Variants in NEURL1 observed in about 807,000 individuals in gnomAD.
NEURL1 encodes the protein neuralized E3 ubiquitin protein ligase 1, also known as E3 ubiquitin-protein ligase NEURL1.
A neutral mutation model predicts 41.2 loss-of-function variants in NEURL1; 26 were observed. The ratio of observed to expected loss-of-function variants is 0.63; its 90% CI spans 0.46 to 0.87. NEURL1 has a LOEUF of 0.87. Among genes scored for constraint, NEURL1 ranks in the 40% least tolerant of loss-of-function variants. The pLI is 0.00. For missense variants in NEURL1, 761 were observed against 871.1 expected (o/e 0.87, Z 1.59); for synonymous variants, 400 against 402.3 (o/e 0.99, Z 0.07).
intron 1 of NEURL1, among the ~76,000 whole-genome samples, chr10:103,564,587 C>T (rs56967738): frequency 0.049 from 7,537 of 152,346 alleles, 284 homozygotes; most frequent in African/African-American, 0.11. Context: ...GTAAAGGTCC[C>T]CAGACATGGC....
At chr10:103,574,805 G>A (rs929314671) in intron 3 of NEURL1, among the ~76,000 whole-genome samples, 10 of 152,182 alleles carry the variant, frequency 6.6e-5, no homozygotes, top group Admixed American at 6.5e-4. Flanking sequence ...GGGTTTGCAC[G>A]CAGTGTTTTC....
chr10:103,550,349 A>G (rs374420779), intron 1 of NEURL1, among the ~76,000 whole-genome samples: 1 of 152,152 alleles, frequency 6.6e-6, no homozygotes, highest in Non-Finnish European at 1.5e-5. Context: ...GGGTTCAGAG[A>G]GCCAAGGGGC....
At chr10:103,528,801 G>A (rs2034514304) in intron 1 of NEURL1, among the ~76,000 whole-genome samples, 7 of 152,196 alleles carry the variant, frequency 4.6e-5, no homozygotes. Context: ...GACTTGCCCA[G>A]TTCCTGGAAA....
chr10:103,494,166 G>T lies in NEURL1; in HGVS notation c.-222G>T. 2.1e-6 allele frequency: 1 copy of T among 478,648 alleles called. No homozygotes were observed. Among genetic ancestry groups the T allele is most frequent in the Non-Finnish European group, 3.7e-6 (1 of 272,166 alleles). The allele number at this position is 478,648 out of a possible 1,614,324, so 29.7% of individuals were successfully genotyped here. Reference sequence around the variant, plus strand: ...CGCCACGGGGCATGGGAGGCAGGTAGCCCAGCCTGCGCCAGGACACCCGTG... The same window carrying T: ...CGCCACGGGGCATGGGAGGCAGGTATCCCAGCCTGCGCCAGGACACCCGTG... On this transcript the variant is annotated 5_prime_UTR_variant, in exon 1 of 6. It removes the in-frame stop codon of an upstream open reading frame in the 5' UTR. Coordinates refer to ENST00000369780, the MANE Select transcript of NEURL1 (RefSeq NM_004210.5).
Position 103,571,713 on chromosome 10 carries a change from C to T in NEURL1, c.540C>T (p.His180=), listed in dbSNP as rs369833737. ...TGGACAAGAAGGGCCGTGTCTTCCA[C>T]CGCATCAACGACTCGGCTGTTATGC... is the stretch of plus-strand genomic sequence containing the variant. ...FWVDKKGRVF[H]RINDSAVMLF... Residue 180 remains histidine (H), a synonymous_variant, in exon 3 of 6, where the codon CAC becomes CAT. Transcript: ENST00000369780. 6.2e-7 allele frequency: 1 copy of T among 1,614,114 alleles called. No homozygotes were observed. Among genetic ancestry groups the T allele is most frequent in the Non-Finnish European group, 8.5e-7 (1 of 1,180,024 alleles).
chr10:103,584,942 G>A lies in NEURL1; in HGVS notation c.1056G>A (p.Ala352=), dbSNP rs1444295105. ...VTRSGGARPG[A]LSFGVTTCDP... ...GCTCGGGTGGCGCGCGGCCCGGCGC[G>A]CTGTCGTTCGGCGTCACCACGTGCG... Residue 352 remains alanine, a synonymous_variant, in exon 4 of 6, where the codon GCG becomes GCA. Coordinates refer to ENST00000369780, the MANE Select transcript of NEURL1 (RefSeq NM_004210.5). 2.7e-6 allele frequency: 4 copies of A among 1,495,696 alleles called. No homozygotes were observed. Among genetic ancestry groups the A allele is most frequent in the Admixed American group, 2.2e-5 (1 of 44,752 alleles). 92.7% of individuals were successfully genotyped at this position (1,495,696 alleles called of 1,614,324 possible). A position where few individuals can be genotyped will look rare whatever the true frequency, so the allele number is the denominator to read the frequency against.
rs1298298595 is a variant in NEURL1, at chr10:103,494,380, C to T, written c.-8C>T. The T allele has an allele frequency of 3.7e-5, 58 of 1,580,374 alleles. No homozygotes were observed. The highest frequency in any genetic ancestry group is 4.9e-5 in the Non-Finnish European group (57 of 1,163,174). On this transcript the variant is annotated 5_prime_UTR_variant, in exon 1 of 6. Coordinates refer to ENST00000369780, the MANE Select transcript of NEURL1 (RefSeq NM_004210.5). Reference sequence around the variant, plus strand: ...CCGCGAGCGCCGAACCTCCTGGGGCCGGATGCCATGGGTAACAACTTCTCC... The same window carrying T: ...CCGCGAGCGCCGAACCTCCTGGGGCTGGATGCCATGGGTAACAACTTCTCC...
In NEURL1 at chr10:103,570,836, C is replaced by T. The variant is rs555989374; in HGVS notation, c.86-36C>T. The T allele has an allele frequency of 4.4e-6, 7 of 1,594,446 alleles. No individual in the cohort carries two copies. In the African/African-American group the frequency reaches 9.4e-5, roughly 21 times the overall value. ...GACTCTGGTCTGGCTCTTGGACCCG[C>T]CAAGTTCTCTGACACCGTGGCCTGT... On this transcript the variant is annotated intron_variant, in intron 1 of 5. Transcript: ENST00000369780.
In NEURL1 at chr10:103,584,717, A is replaced by G. The variant is rs2035864226; in HGVS notation, c.831A>G (p.Ser277=). 1 of 1,465,562 alleles carries G rather than the reference A, an allele frequency of 6.8e-7. No individual in the cohort carries two copies. The highest frequency in any genetic ancestry group is 9.0e-7 in the Non-Finnish European group (1 of 1,114,674). 90.8% of individuals were successfully genotyped at this position (1,465,562 alleles called of 1,614,324 possible). A position where few individuals can be genotyped will look rare whatever the true frequency, so the allele number is the denominator to read the frequency against. Residue 277 remains serine (S), a synonymous_variant, in exon 4 of 6, where the codon TCA becomes TCG. Coordinates refer to ENST00000369780, the MANE Select transcript of NEURL1 (RefSeq NM_004210.5). ...PAAGCPIPQN[S]LNSQHSRALP... is the part of the protein sequence containing the mutation. ...CCGGCTGCCCCATCCCGCAGAACTCACTCAACTCGCAGCACAGCCGCGCGC... is the reference window on the plus strand; with the variant it reads ...CCGGCTGCCCCATCCCGCAGAACTCGCTCAACTCGCAGCACAGCCGCGCGC...
In NEURL1 at chr10:103,590,451, C is replaced by A; in HGVS notation, c.*79C>A. 1 of 1,217,518 alleles carries A rather than the reference C, an allele frequency of 8.2e-7. No individual in the cohort carries two copies. Among genetic ancestry groups the A allele is most frequent in the Non-Finnish European group, 1.2e-6 (1 of 837,704 alleles). The allele number at this position is 1,217,518 out of a possible 1,614,324, so 75.4% of individuals were successfully genotyped here. A position where few individuals can be genotyped will look rare whatever the true frequency, so the allele number is the denominator to read the frequency against. Reference sequence around the variant, plus strand: ...CCAGCTGAGGAACAAGCCAGTGGGGCCCCTTCTCTTCCTCATTTTGGAAAC... The same window carrying A: ...CCAGCTGAGGAACAAGCCAGTGGGGACCCTTCTCTTCCTCATTTTGGAAAC... On this transcript the variant is annotated 3_prime_UTR_variant, in exon 6 of 6. Transcript: ENST00000369780.
At chr10:103,539,520 A>C (rs184275016) in intron 1 of NEURL1, among the ~76,000 whole-genome samples, 8 of 152,298 alleles carry the variant, frequency 5.3e-5, no homozygotes, top group Admixed American at 5.2e-4. Flanking sequence ...CCAACCTGTC[A>C]TCAAGTTTAG....
chr10:103,505,793 G>A (rs1015791298), intron 1 of NEURL1, among the ~76,000 whole-genome samples: 2 of 152,330 alleles, frequency 1.3e-5, no homozygotes, highest in Admixed American at 6.5e-5. Context: ...AGCTGCTGCC[G>A]GGTACAGCAG....
Position 103,494,313 on chromosome 10 carries a change from C to G in NEURL1, c.-75C>G. On this transcript the variant is annotated 5_prime_UTR_variant, in exon 1 of 6. Coordinates refer to ENST00000369780, the MANE Select transcript of NEURL1 (RefSeq NM_004210.5). ...GGTGGCGCGCACCCGCGCGCGCACA[C>G]TCGCACACCGCACCTCAGCGCCTGC... 7.5e-7 allele frequency: 1 copy of G among 1,334,184 alleles called. No individual in the cohort carries two copies. Among genetic ancestry groups the G allele is most frequent in the Non-Finnish European group, 1.0e-6 (1 of 965,070 alleles). 82.6% of individuals were successfully genotyped at this position (1,334,184 alleles called of 1,614,324 possible).
chr10:103,505,246 C>T (rs192064126), intron 1 of NEURL1, among the ~76,000 whole-genome samples: 3 of 137,798 alleles, frequency 2.2e-5, no homozygotes, highest in Non-Finnish European at 3.1e-5. Context: ...TTTTGGTAGA[C>T]GGAGTCTTGC....
chr10:103,537,373 T>G (rs2034714342), intron 1 of NEURL1, among the ~76,000 whole-genome samples: 1 of 152,160 alleles, frequency 6.6e-6, no homozygotes, highest in Non-Finnish European at 1.5e-5. Context: ...AAGTAACACT[T>G]TTTTCCCCCT....
chr10:103,584,492 C>T, intron 3 of NEURL1, 44 bp from the exon 4 acceptor site: 1 of 1,257,254 alleles, frequency 8.0e-7, no homozygotes, highest in East Asian at 3.2e-5. Flanking sequence ...CCGGGGCCGC[C>T]TCCCGAGAGC....
intron 1 of NEURL1, among the ~76,000 whole-genome samples, chr10:103,550,303 C>A (rs1403413625): frequency 1.3e-5 from 2 of 152,134 alleles, no homozygotes; most frequent in Non-Finnish European, 1.5e-5. Flanking sequence ...AAAAGAGGGA[C>A]AGCTATAGTA....
Position 103,570,964 on chromosome 10 carries a change from G to T in NEURL1, c.178G>T (p.Ala60Ser). 1 of 1,613,996 alleles carries T rather than the reference G, an allele frequency of 6.2e-7. No homozygotes were observed. The highest frequency in any genetic ancestry group is 8.5e-7 in the Non-Finnish European group (1 of 1,180,018). The change falls in exon 2 of 6, where the codon GCC (alanine) becomes TCC (serine). Residue 60 changes from alanine (A) to serine (S), a missense_variant. Ala to Ser is a moderately conservative substitution (Grantham distance 99). Coordinates refer to ENST00000369780, the MANE Select transcript of NEURL1 (RefSeq NM_004210.5). The part of the protein sequence containing the change: ...PAVLPSGGLP[A>S]TPLLFHPHTK... Reference sequence around the variant, plus strand: ...AGTGCTGCCCAGCGGGGGGCTCCCAGCCACGCCGCTGCTCTTCCACCCGCA... The same window carrying T: ...AGTGCTGCCCAGCGGGGGGCTCCCATCCACGCCGCTGCTCTTCCACCCGCA...
At position 103,501,016 on chromosome 10, in the gene NEURL1, T is replaced by C. The variant is rs979515329; in HGVS notation, c.85+6544T>C. Among the ~76,000 whole-genome samples the C allele has an allele frequency of 3.3e-5, 5 of 151,872 alleles. No individual in the cohort carries two copies. The East Asian group carries it at 9.7e-4, about 29-fold the overall frequency. ...GATTTGGAGGGGAGCTAGAAAGGTG[T>C]CTTGGTGAGTGGGCTGGCAGCAAAG... On this transcript the variant is annotated intron_variant, in intron 1 of 5. Coordinates refer to ENST00000369780, the MANE Select transcript of NEURL1 (RefSeq NM_004210.5).
Sources: gnomAD v4.1 joint callset for allele counts (sites outside exome capture counted in the v4.1 genomes callset) on GRCh38, gnomAD v4.1.1 for gene constraint, MANE v1.5 for transcripts, NCBI Gene and HGNC (gene_info 2026-07-23, HGNC 2026-07-21) for gene names.